FAM234B: variants seen among roughly 807,000 people sequenced by gnomAD.
FAM234B encodes the protein family with sequence similarity 234 member B, also known as protein FAM234B.
FAM234B carries 33 observed loss-of-function variants against 69.3 expected under a neutral mutation model. The ratio of observed to expected loss-of-function variants is 0.48; its 90% CI spans 0.36 to 0.64. The LOEUF is 0.64. Among genes scored for constraint, FAM234B ranks in the 30% least tolerant of loss-of-function variants. The pLI is 0.00. For synonymous variants in FAM234B, 306 were observed against 306.9 expected (o/e 1.00, Z 0.03); for missense variants, 697 against 769.7 (o/e 0.91, Z 1.12).
chr12:13,047,638 G>C (rs1201426447), intron 1 of FAM234B, among the ~76,000 whole-genome samples: 1 of 152,164 alleles, frequency 6.6e-6, no homozygotes, highest in East Asian at 1.9e-4. Context: ...AAGAGGAAAA[G>C]CAATAGCTGT....
At chr12:13,053,024 A>G (rs1318837669) in intron 1 of FAM234B, among the ~76,000 whole-genome samples, 1 of 152,234 alleles carries the variant, frequency 6.6e-6, no homozygotes. Flanking sequence ...TACAAATTGT[A>G]GGAGATTATC....
rs530071879 is a variant in FAM234B, at chr12:13,044,830, G to A, written c.37+390G>A. Among the ~76,000 whole-genome samples, 7 of 152,332 alleles carry A rather than the reference G, an allele frequency of 4.6e-5. No individual in the cohort carries two copies. The highest frequency in any genetic ancestry group is 1.3e-4 in the Admixed American group (2 of 15,308). ...CCTTCTGTCTTGGCTGGACCTGGGC[G>A]GGGGCGGCGGGACGGCGAGTGGCCC... On this transcript the variant is annotated intron_variant, in intron 1 of 12. Coordinates refer to ENST00000197268, the MANE Select transcript of FAM234B (RefSeq NM_020853.2). The surrounding 1 kb of genome is among the most constrained non-coding windows in gnomAD (Gnocchi z 5.6).
At chr12:13,045,617 C>T (rs1361921237) in intron 1 of FAM234B, among the ~76,000 whole-genome samples, 1 of 152,072 alleles carries the variant, frequency 6.6e-6, no homozygotes, top group Non-Finnish European at 1.5e-5. Flanking sequence ...TGACCTCAGA[C>T]AGATTATTAT....
Position 13,082,900 on chromosome 12 carries a change from G to A in FAM234B, c.*2270G>A, listed in dbSNP as rs1865254638. The A allele has an allele frequency of 1.3e-5, 2 of 152,202 alleles. No individual in the cohort carries two copies. Among genetic ancestry groups the A allele is most frequent in the African/African-American group, 4.8e-5 (2 of 41,452 alleles). The allele number at this position is 152,202 out of a possible 1,614,324, so 9.4% of individuals were successfully genotyped here. A position where few individuals can be genotyped will look rare whatever the true frequency, so the allele number is the denominator to read the frequency against. Reference sequence around the variant, plus strand: ...TTAATGTACCTGAATTCTTCATGGTGTATTTGCAAACTAACTTAACATAGA... The same window carrying A: ...TTAATGTACCTGAATTCTTCATGGTATATTTGCAAACTAACTTAACATAGA... On this transcript the variant is annotated 3_prime_UTR_variant, in exon 13 of 13. Coordinates refer to ENST00000197268, the MANE Select transcript of FAM234B (RefSeq NM_020853.2).
intron 1 of FAM234B, among the ~76,000 whole-genome samples, chr12:13,053,845 CAG>C (rs1490512588): frequency 6.6e-6 from 1 of 152,144 alleles, no homozygotes; most frequent in East Asian, 1.9e-4. Context: ...CCACATAAGA[CAG>C]ACACTCCCAG....
At chr12:13,054,008 C>T (rs998738224) in intron 1 of FAM234B, among the ~76,000 whole-genome samples, 6 of 152,328 alleles carry the variant, frequency 3.9e-5, no homozygotes, top group South Asian at 2.1e-4. Context: ...TACCCGACCC[C>T]GCAGGCAGTC....
intron 1 of FAM234B, among the ~76,000 whole-genome samples, chr12:13,048,984 G>A (rs1197943870): frequency 1.3e-5 from 2 of 152,172 alleles, no homozygotes; most frequent in Non-Finnish European, 2.9e-5. Context: ...CTGCCCCCAT[G>A]ATTCAGTTAT....
At chr12:13,055,994 G>A in intron 2 of FAM234B, 48 bp downstream of exon 2, 1 of 1,474,544 alleles carries the variant, frequency 6.8e-7, no homozygotes, top group East Asian at 2.3e-5. Flanking sequence ...TTCATGCTAT[G>A]TCTGATTACA....
Position 13,044,508 on chromosome 12 carries a change from G to T in FAM234B, c.37+68G>T. On this transcript the variant is annotated intron_variant, in intron 1 of 12. Coordinates refer to ENST00000197268, the MANE Select transcript of FAM234B (RefSeq NM_020853.2). This position sits in a 1 kb window ranked among gnomAD's most constrained non-coding sequence, Gnocchi z 5.6. ...TTGGAATAAGGGGAGGCGAGGCTCTGGGGGCGAGGCCGGTCGGGCCCTGGC... is the reference window on the plus strand; with the variant it reads ...TTGGAATAAGGGGAGGCGAGGCTCTTGGGGCGAGGCCGGTCGGGCCCTGGC... 1.3e-6 allele frequency: 2 copies of T among 1,520,802 alleles called. No homozygotes were observed. Among genetic ancestry groups the T allele is most frequent in the Non-Finnish European group, 1.8e-6 (2 of 1,121,252 alleles). The allele number at this position is 1,520,802 out of a possible 1,614,324, so 94.2% of individuals were successfully genotyped here.
At chr12:13,079,343 A>G (rs1172230070) in intron 11 of FAM234B, among the ~76,000 whole-genome samples, 1 of 152,246 alleles carries the variant, frequency 6.6e-6, no homozygotes, top group Non-Finnish European at 1.5e-5. Context: ...CCATATGTAG[A>G]AAGCTGAAAC....
At chr12:13,047,437 G>C (rs750572341) in intron 1 of FAM234B, among the ~76,000 whole-genome samples, 3 of 152,160 alleles carry the variant, frequency 2.0e-5, no homozygotes, top group Non-Finnish European at 2.9e-5. Flanking sequence ...AGTTGCAGTA[G>C]AGTGTATTGT....
At chr12:13,073,427 C>T (rs1235875551) in intron 10 of FAM234B, among the ~76,000 whole-genome samples, 1 of 152,216 alleles carries the variant, frequency 6.6e-6, no homozygotes, top group Non-Finnish European at 1.5e-5. Context: ...GGTCAACAAG[C>T]AAAATGCCTT....
Position 13,067,059 on chromosome 12 carries a change from C to G in FAM234B, c.1001-96C>G. On this transcript the variant is annotated intron_variant, in intron 6 of 12. Transcript: ENST00000197268. The surrounding 1 kb of genome is among the most constrained non-coding windows in gnomAD (Gnocchi z 4.7). ...CCAGTCTGGGCGGGCTCTGTTAGACCCATCTGGTCAGGCTCTGTGTCTCTT... is the reference window on the plus strand; with the variant it reads ...CCAGTCTGGGCGGGCTCTGTTAGACGCATCTGGTCAGGCTCTGTGTCTCTT... 7.0e-7 allele frequency: 1 copy of G among 1,435,028 alleles called. No individual in the cohort carries two copies. Among genetic ancestry groups the G allele is most frequent in the Non-Finnish European group, 9.7e-7 (1 of 1,032,922 alleles). The allele number at this position is 1,435,028 out of a possible 1,614,324, so 88.9% of individuals were successfully genotyped here. A position where few individuals can be genotyped will look rare whatever the true frequency, so the allele number is the denominator to read the frequency against.
rs138781360 is a variant in FAM234B, at chr12:13,080,640, A to G, written c.*10A>G. 1.3e-4 allele frequency: 214 copies of G among 1,604,256 alleles called. 1 individual carries two copies. In the East Asian group the frequency reaches 4.5e-3, roughly 34 times the overall value. ...TTTTCCATAGATCTAATCTGATGGAATCTTCAGTTGCAGAAGAAGTGAACA... is the reference window on the plus strand; with the variant it reads ...TTTTCCATAGATCTAATCTGATGGAGTCTTCAGTTGCAGAAGAAGTGAACA... On this transcript the variant is annotated 3_prime_UTR_variant, in exon 13 of 13. Transcript: ENST00000197268.
At chr12:13,057,448 C>T (rs1261058912) in intron 2 of FAM234B, among the ~76,000 whole-genome samples, 1 of 145,772 alleles carries the variant, frequency 6.9e-6, no homozygotes, top group African/African-American at 2.6e-5. Context: ...TTAAGTAATG[C>T]TTCCAGTCTT....
chr12:13,055,731 A>G lies in FAM234B; in HGVS notation c.218A>G (p.His73Arg), dbSNP rs200941593. Residue 73 changes from histidine to arginine, a missense_variant, in exon 2 of 13, where the codon CAT (histidine) becomes CGT (arginine). Transcript: ENST00000197268. ...DAEVAEAAKPHLSEVTTEGYP... is the reference protein window; with the variant it reads ...DAEVAEAAKPRLSEVTTEGYP... ...GAGGTTGCAGAGGCTGCAAAGCCAC[A>G]TCTTTCAGAAGTCACCACGGAGGGC... 1.8e-5 allele frequency: 29 copies of G among 1,614,232 alleles called. No individual in the cohort carries two copies. In the East Asian group the frequency reaches 4.9e-4, roughly 27 times the overall value.
chr12:13,063,185 T>A (rs994032508), intron 5 of FAM234B, among the ~76,000 whole-genome samples: 1 of 152,080 alleles, frequency 6.6e-6, no homozygotes, highest in Non-Finnish European at 1.5e-5. Context: ...TGGACTGGGG[T>A]GTAGTGGAGC....
intron 10 of FAM234B, among the ~76,000 whole-genome samples, chr12:13,072,393 G>C (rs952340014): frequency 1.3e-5 from 2 of 152,058 alleles, no homozygotes; most frequent in Non-Finnish European, 2.9e-5. Context: ...CCACCTATGA[G>C]GGGACTTCAG....
Position 13,083,314 on chromosome 12 carries a change from A to G in FAM234B, c.*2684A>G, listed in dbSNP as rs1427062657. On this transcript the variant is annotated 3_prime_UTR_variant, in exon 13 of 13. Coordinates refer to ENST00000197268, the MANE Select transcript of FAM234B (RefSeq NM_020853.2). ...TTTTGCCATCCCCCAAATGTGTGGT[A>G]TGGTGAAACTAATCCCCTGAATGTG... is the stretch of plus-strand genomic sequence containing the variant. The G allele has an allele frequency of 6.6e-6, 1 of 152,594 alleles. No individual in the cohort carries two copies. Among genetic ancestry groups the G allele is most frequent in the Non-Finnish European group, 1.5e-5 (1 of 68,040 alleles). 9.5% of individuals were successfully genotyped at this position (152,594 alleles called of 1,614,324 possible). A position where few individuals can be genotyped will look rare whatever the true frequency, so the allele number is the denominator to read the frequency against.
Sources: gnomAD v4.1 joint callset for allele counts (sites outside exome capture counted in the v4.1 genomes callset) on GRCh38, gnomAD v4.1.1 for gene constraint, Gnocchi (gnomAD v3.1) non-coding constraint, MANE v1.5 for transcripts, NCBI Gene and HGNC (gene_info 2026-07-23, HGNC 2026-07-21) for gene names.